The following PLD1 variants were observed in gnomAD, a reference collection of about 807,000 sequenced individuals.
PLD1 encodes phospholipase D1.
PLD1 carries 112 observed loss-of-function variants against 137.1 expected under a neutral mutation model. The ratio of observed to expected loss-of-function variants is 0.82; its 90% CI spans 0.70 to 0.96. The LOEUF is 0.96. Ranked by LOEUF, PLD1 falls within the 40% of genes least tolerant of loss-of-function variation. PLD1 has a pLI of 0.00. For synonymous variants in PLD1, 431 were observed against 454.7 expected, an observed-to-expected ratio of 0.95 and a Z score of 0.66; for missense variants, 1,321 against 1,342.0, an observed-to-expected ratio of 0.98 and a Z score of 0.24.
chr3:171,651,329 T>C (rs1182328525), intron 21 of PLD1, among the ~76,000 whole-genome samples: 2 of 40,860 alleles, frequency 4.9e-5, no homozygotes, highest in Non-Finnish European at 8.9e-5. Flanking sequence ...TTAGGGTGTG[T>C]GTGTGTGTGT....
intron 23 of PLD1, among the ~76,000 whole-genome samples, chr3:171,630,654 C>A (rs1734574436): frequency 7.2e-6 from 1 of 138,986 alleles, no homozygotes; most frequent in African/African-American, 2.9e-5. Flanking sequence ...GAAAATGTGG[C>A]ACATATACAC....
intron 1 of PLD1, among the ~76,000 whole-genome samples, chr3:171,785,563 C>T (rs891714960): frequency 1.3e-5 from 2 of 152,016 alleles, no homozygotes; most frequent in Non-Finnish European, 2.9e-5. Flanking sequence ...CTCAGCCTCC[C>T]GAGTAGCTCG....
intron 21 of PLD1, among the ~76,000 whole-genome samples, chr3:171,650,876 C>T (rs929074583): frequency 6.6e-5 from 10 of 150,966 alleles, no homozygotes; most frequent in East Asian, 1.9e-4. Flanking sequence ...TCCAGCAGCC[C>T]GGGCGACAGA....
intron 23 of PLD1, among the ~76,000 whole-genome samples, chr3:171,639,848 C>CTCTCTATATATATATATA (rs3050415): frequency 9.1e-6 from 1 of 110,192 alleles, no homozygotes; most frequent in African/African-American, 3.9e-5. Context: ...CTCTCTCTCT[C>CTCTCTATATATATATATA]TATATATATA....
At chr3:171,703,386 A>G (rs1403812287) in intron 11 of PLD1, among the ~76,000 whole-genome samples, 9 of 152,212 alleles carry the variant, frequency 5.9e-5, no homozygotes, top group Admixed American at 5.9e-4. Flanking sequence ...AGAACAGAAG[A>G]AGTAAAACTG....
chr3:171,682,889 G>A (rs779577189), intron 16 of PLD1, among the ~76,000 whole-genome samples: 33 of 152,138 alleles, frequency 2.2e-4, no homozygotes, highest in Non-Finnish European at 3.4e-4. Flanking sequence ...TTCTTTTTAG[G>A]TAAACTGTTT....
intron 25 of PLD1, among the ~76,000 whole-genome samples, chr3:171,609,503 AGAAAAC>A (rs1168308202): frequency 5.3e-5 from 7 of 132,580 alleles, no homozygotes; most frequent in African/African-American, 1.7e-4. Context: ...AATTACATAA[AGAAAAC>A]ACACACACAC....
intron 9 of PLD1, among the ~76,000 whole-genome samples, chr3:171,711,146 G>A (rs930225293): frequency 1.4e-5 from 2 of 147,548 alleles, no homozygotes; most frequent in Admixed American, 6.8e-5. Context: ...TGGGATTACA[G>A]GCATGAGCCA....
intron 8 of PLD1, among the ~76,000 whole-genome samples, chr3:171,722,519 C>T (rs1433312610): frequency 3.3e-5 from 5 of 152,048 alleles, no homozygotes; most frequent in African/African-American, 4.8e-5. Context: ...TATCTACTTC[C>T]GTCTCTACAG....
At chr3:171,653,488 T>TAG (rs1434654437) in intron 21 of PLD1, 1 of 152,222 alleles carries the variant, frequency 6.6e-6, no homozygotes, top group African/African-American at 2.4e-5. Context: ...AGCAAACCTC[T>TAG]AGACAGAGTG....
intron 11 of PLD1, among the ~76,000 whole-genome samples, chr3:171,705,865 C>T (rs1446168823): frequency 6.6e-6 from 1 of 152,092 alleles, no homozygotes; most frequent in African/African-American, 2.4e-5. Context: ...AGCTCACAAG[C>T]CAAATGTTGC....
intron 13 of PLD1, among the ~76,000 whole-genome samples, 179 bp from the exon 14 acceptor site, chr3:171,689,055 A>G (rs539834682): frequency 6.6e-6 from 1 of 152,138 alleles, no homozygotes; most frequent in East Asian, 1.9e-4. Context: ...AAAAGAAAAA[A>G]AAAAGACTCC....
chr3:171,611,941 G>A (rs2108269608), intron 25 of PLD1, among the ~76,000 whole-genome samples: 1 of 152,222 alleles, frequency 6.6e-6, no homozygotes, highest in African/African-American at 2.4e-5. Flanking sequence ...AATTAGCTGG[G>A]TGTGGTGACA....
chr3:171,657,129 A>T (rs1737279831), intron 21 of PLD1, among the ~76,000 whole-genome samples: 1 of 152,016 alleles, frequency 6.6e-6, no homozygotes, highest in Non-Finnish European at 1.5e-5. Flanking sequence ...AACCTCTTGA[A>T]TCTCAGTTTT....
intron 11 of PLD1, among the ~76,000 whole-genome samples, chr3:171,703,845 C>T (rs1716445489): frequency 6.6e-6 from 1 of 152,146 alleles, no homozygotes; most frequent in Admixed American, 6.5e-5. Flanking sequence ...AGCAAAGGAT[C>T]TCTGGTAGTG....
chr3:171,640,074 C>T (rs1042094403), intron 23 of PLD1, among the ~76,000 whole-genome samples: 10 of 151,758 alleles, frequency 6.6e-5, no homozygotes, highest in African/African-American at 2.4e-4. Flanking sequence ...AGTCAGTCCA[C>T]CTAAAGTTTG....
chr3:171,615,677 T>C (rs1341604028), intron 24 of PLD1, among the ~76,000 whole-genome samples: 2 of 152,258 alleles, frequency 1.3e-5, no homozygotes. Context: ...CATTCAGTCT[T>C]ATGTCTTTGA....
chr3:171,688,828 G>C lies in PLD1; in HGVS notation c.1387C>G (p.His463Asp), dbSNP rs748727583. The C allele has an allele frequency of 1.1e-5, 17 of 1,613,926 alleles. No individual in the cohort carries two copies. The highest frequency in any genetic ancestry group is 1.4e-5 in the Non-Finnish European group (17 of 1,180,010). Residue 463 changes from histidine to aspartate, a missense_variant, in exon 14 of 27, where the codon CAC (histidine) becomes GAC (aspartate). Transcript: ENST00000351298. ...HVSSTVYLWA[H>D]HEKLVIIDQS... Reference sequence around the variant, plus strand: ...TCAATGATGACAAGCTTCTCATGGTGAGCCCACAAATAGACGGTGGATGAC... The same window carrying C: ...TCAATGATGACAAGCTTCTCATGGTCAGCCCACAAATAGACGGTGGATGAC...
chr3:171,673,491 G>C (rs937225935), intron 19 of PLD1, among the ~76,000 whole-genome samples: 1 of 151,946 alleles, frequency 6.6e-6, no homozygotes, highest in African/African-American at 2.4e-5. Context: ...GGCTGGTCTC[G>C]AACTCCTGAC....
Sources: allele counts gnomAD v4.1 joint callset (sites outside exome capture counted in the v4.1 genomes callset), GRCh38; gene constraint gnomAD v4.1.1; transcripts MANE v1.5; gene names NCBI Gene and HGNC (gene_info 2026-07-23, HGNC 2026-07-21).